The following GALNT16 variants were observed in gnomAD, a reference collection of about 807,000 sequenced individuals.
The protein encoded by GALNT16 is polypeptide N-acetylgalactosaminyltransferase 16, also known as UDP-GalNAc:polypeptide N-acetylgalactosaminyltransferase-like protein 1.
A neutral mutation model predicts 76.1 loss-of-function variants in GALNT16; 40 were observed. The observed-to-expected ratio is 0.53, with a 90% CI of 0.41 to 0.68. The LOEUF (loss-of-function observed/expected upper bound fraction) is 0.68. Among genes scored for constraint, GALNT16 ranks in the 30% least tolerant of loss-of-function variants. GALNT16 has a pLI of 0.00. For missense variants in GALNT16, 621 were observed against 731.9 expected, an observed-to-expected ratio of 0.85 and a Z score of 1.75; for synonymous variants, 276 against 285.2, an observed-to-expected ratio of 0.97 and a Z score of 0.32.
chr14:69,346,971 C>A lies in GALNT16; in HGVS notation c.1272-69C>A, dbSNP rs1394378411. On this transcript the variant is annotated intron_variant, in intron 12 of 14. Transcript: ENST00000448469. Reference sequence around the variant, plus strand: ...GCTCCCAGAGCTGATAGGATGCTGACGTCTGGCAGAGGGTGTAGGTAAGCC... The same window carrying A: ...GCTCCCAGAGCTGATAGGATGCTGAAGTCTGGCAGAGGGTGTAGGTAAGCC... 2.5e-6 allele frequency: 4 copies of A among 1,588,062 alleles called. No homozygotes were observed. The South Asian group carries it at 3.3e-5, about 13-fold the overall frequency.
At chr14:69,320,337 CTA>C (rs2045159333) in intron 1 of GALNT16, among the ~76,000 whole-genome samples, 1 of 152,074 alleles carries the variant, frequency 6.6e-6, no homozygotes. Context: ...TCTACCAAAA[CTA>C]TGAAAATTAG....
chr14:69,303,606 T>G (rs1336085280), intron 1 of GALNT16, among the ~76,000 whole-genome samples: 2 of 152,072 alleles, frequency 1.3e-5, no homozygotes, highest in Non-Finnish European at 2.9e-5. Context: ...AAATAACAAT[T>G]ACATAAACAT....
chr14:69,298,940 C>T (rs958357760), intron 1 of GALNT16, among the ~76,000 whole-genome samples: 9 of 152,260 alleles, frequency 5.9e-5, no homozygotes, highest in Non-Finnish European at 1.0e-4. Context: ...CTGGACATCA[C>T]CCAAGGCCGA....
At chr14:69,281,674 C>T (rs1054832977) in intron 1 of GALNT16, among the ~76,000 whole-genome samples, 9 of 152,174 alleles carry the variant, frequency 5.9e-5, no homozygotes, top group African/African-American at 2.2e-4. Context: ...GCTTCATGTG[C>T]TCACGTGACC....
At chr14:69,380,898 C>T in the GALNT16 span, among the ~76,000 whole-genome samples, 32 of 152,258 alleles carry the variant, frequency 2.1e-4, 1 homozygote, top group Middle Eastern at 6.8e-3. Context: ...TGTTACATAT[C>T]TACTTCTTGA....
chr14:69,319,254 C>T (rs2045144090), intron 1 of GALNT16, among the ~76,000 whole-genome samples: 1 of 152,232 alleles, frequency 6.6e-6, no homozygotes, highest in African/African-American at 2.4e-5. Flanking sequence ...TCAGAGCTCC[C>T]CGGACCCTGG....
intron 9 of GALNT16, among the ~76,000 whole-genome samples, chr14:69,337,589 C>A (rs960656011): frequency 6.6e-6 from 1 of 152,196 alleles, no homozygotes; most frequent in Non-Finnish European, 1.5e-5. Flanking sequence ...TGAGGCCAAA[C>A]ACAGAGCTCT....
the GALNT16 span, among the ~76,000 whole-genome samples, chr14:69,373,103 C>G: frequency 6.6e-6 from 1 of 152,200 alleles, no homozygotes; most frequent in Admixed American, 6.5e-5. Context: ...GTGGGATACT[C>G]TTCAAACTAC....
intron 9 of GALNT16, among the ~76,000 whole-genome samples, chr14:69,338,133 C>G (rs2045436313): frequency 6.6e-6 from 1 of 152,156 alleles, no homozygotes; most frequent in Non-Finnish European, 1.5e-5. Context: ...AGGCATGGCT[C>G]AAGAGGGCCA....
At chr14:69,300,822 C>T (rs2140140130) in intron 1 of GALNT16, among the ~76,000 whole-genome samples, 1 of 152,298 alleles carries the variant, frequency 6.6e-6, no homozygotes, top group East Asian at 1.9e-4. Flanking sequence ...CCCCTCCCCG[C>T]CCCATCCCAA....
At chr14:69,260,136 A>AGGCCCC, upstream of GALNT16, 1 of 113,994 alleles carries the variant, frequency 8.8e-6, no homozygotes, top group Non-Finnish European at 1.8e-5. Flanking sequence ...TCTCCCTATC[A>AGGCCCC]CCCCCCCGCC....
At chr14:69,309,570 C>T (rs1305161698) in intron 1 of GALNT16, among the ~76,000 whole-genome samples, 1 of 152,156 alleles carries the variant, frequency 6.6e-6, no homozygotes, top group African/African-American at 2.4e-5. Flanking sequence ...CCTTGGCCTC[C>T]CAAAGTGCTG....
chr14:69,320,747 G>A lies in GALNT16; in HGVS notation c.214G>A (p.Ala72Thr), dbSNP rs759823716. The change falls in exon 2 of 15, where the codon GCC (alanine) becomes ACC (threonine). Residue 72 changes from alanine (A) to threonine (T), a missense_variant. Coordinates refer to ENST00000448469, the MANE Select transcript of GALNT16 (RefSeq NM_001168368.2). ...GTPSKGFDEKAYLSAKQLKAG... is the reference protein window; with the variant it reads ...GTPSKGFDEKTYLSAKQLKAG... ...TCCCTCGAAAGGCTTTGATGAGAAG[G>A]CCTACCTGTCGGCCAAGCAGCTGAA... is the stretch of plus-strand genomic sequence containing the variant. The A allele has an allele frequency of 5.0e-6, 8 of 1,613,994 alleles. No homozygotes were observed. In the African/African-American group the frequency reaches 9.3e-5, roughly 19 times the overall value.
chr14:69,312,078 T>TATCTATC (rs1177515199), intron 1 of GALNT16, among the ~76,000 whole-genome samples: 1 of 151,230 alleles, frequency 6.6e-6, no homozygotes, highest in Non-Finnish European at 1.5e-5. Context: ...TCTATCTATC[T>TATCTATC]ATCTATCTAT....
At chr14:69,295,720 A>T (rs1381917926) in intron 1 of GALNT16, among the ~76,000 whole-genome samples, 1 of 152,004 alleles carries the variant, frequency 6.6e-6, no homozygotes, top group African/African-American at 2.4e-5. Context: ...ACTCCATCTC[A>T]AAAAAAATTA....
chr14:69,295,507 G>A (rs1178072502), intron 1 of GALNT16, among the ~76,000 whole-genome samples: 3 of 151,066 alleles, frequency 2.0e-5, no homozygotes, highest in East Asian at 3.9e-4. Flanking sequence ...ATCACTTGAG[G>A]TCAGGAGTTC....
intron 9 of GALNT16, among the ~76,000 whole-genome samples, chr14:69,338,049 C>G (rs1253839024): frequency 6.6e-6 from 1 of 152,248 alleles, no homozygotes; most frequent in Non-Finnish European, 1.5e-5. Context: ...AGGATGGCCA[C>G]TGCTCTCCCG....
At chr14:69,335,093 C>G (rs1220218079) in intron 9 of GALNT16, among the ~76,000 whole-genome samples, 1 of 152,240 alleles carries the variant, frequency 6.6e-6, no homozygotes, top group Non-Finnish European at 1.5e-5. Flanking sequence ...TGGGCGTATG[C>G]AGCTCCTTTA....
intron 1 of GALNT16, among the ~76,000 whole-genome samples, chr14:69,279,512 T>C (rs1433230021): frequency 2.0e-5 from 3 of 151,482 alleles, no homozygotes; most frequent in African/African-American, 7.3e-5. Flanking sequence ...TGAAAAAGCA[T>C]TGGTTTTCTT....
Sources: allele counts gnomAD v4.1 joint callset (sites outside exome capture counted in the v4.1 genomes callset), GRCh38; gene constraint gnomAD v4.1.1; transcripts MANE v1.5; gene names NCBI Gene and HGNC (gene_info 2026-07-23, HGNC 2026-07-21).